The following MSI2 variants were observed in gnomAD, a reference collection of about 807,000 sequenced individuals.
The protein encoded by MSI2 is musashi RNA binding protein 2.
A neutral mutation model predicts 45.6 loss-of-function variants in MSI2; 17 were observed. That is an observed-to-expected ratio of 0.37 (90% CI 0.26 to 0.56). The LOEUF (loss-of-function observed/expected upper bound fraction) is 0.56, where lower values mean the gene tolerates loss of function less well. MSI2 is among the 20% of genes least tolerant of loss of function. The probability of loss-of-function intolerance (pLI) is 0.77; values close to 1 mark genes in which losing one functional copy is unlikely to be tolerated. For missense variants in MSI2, 293 were observed against 444.2 expected, an observed-to-expected ratio of 0.66 and a Z score of 3.06; for synonymous variants, 156 against 158.2, an observed-to-expected ratio of 0.99 and a Z score of 0.11.
intron 6 of MSI2, among the ~76,000 whole-genome samples, chr17:57,486,192 TA>T (rs2085751778): frequency 1.3e-5 from 2 of 152,242 alleles, no homozygotes. Flanking sequence ...ATCACAGGGT[TA>T]TTTTTTCCCC....
At chr17:57,312,745 T>C (rs1317815058) in intron 5 of MSI2, among the ~76,000 whole-genome samples, 1 of 152,210 alleles carries the variant, frequency 6.6e-6, no homozygotes, top group Non-Finnish European at 1.5e-5. Context: ...TGTATGTGTA[T>C]GAATTAATGG....
intron 5 of MSI2, among the ~76,000 whole-genome samples, chr17:57,361,018 G>A (rs1916774300): frequency 6.6e-6 from 1 of 152,184 alleles, no homozygotes; most frequent in East Asian, 1.9e-4. Flanking sequence ...AATATGGGGA[G>A]GTCAGGAGTA....
At chr17:57,512,963 TCTTC>T (rs1472214060) in intron 6 of MSI2, among the ~76,000 whole-genome samples, 13 of 103,534 alleles carry the variant, frequency 1.3e-4, no homozygotes, top group African/African-American at 5.1e-4. Context: ...TGAATTAGCT[TCTTC>T]CTTTTTTTTT....
At chr17:57,574,030 C>G (rs2087948295) in intron 7 of MSI2, among the ~76,000 whole-genome samples, 1 of 152,060 alleles carries the variant, frequency 6.6e-6, no homozygotes, top group South Asian at 2.1e-4. Flanking sequence ...TATGGCTCAT[C>G]CTAGAGGAGA....
intron 5 of MSI2, among the ~76,000 whole-genome samples, chr17:57,321,753 G>T (rs1328986019): frequency 6.6e-6 from 1 of 152,142 alleles, no homozygotes; most frequent in Non-Finnish European, 1.5e-5. Flanking sequence ...AGCCTCCAAA[G>T]AAATCCTTTT....
chr17:57,515,828 T>G (rs2086459252), intron 6 of MSI2, among the ~76,000 whole-genome samples: 1 of 152,208 alleles, frequency 6.6e-6, no homozygotes, highest in African/African-American at 2.4e-5. Context: ...GAGGGCATAG[T>G]TGTTTGTATT....
chr17:57,262,044 G>A, intron 4 of MSI2, 107 bp from the exon 5 acceptor site: 4 of 1,234,002 alleles, frequency 3.2e-6, no homozygotes, highest in Non-Finnish European at 4.7e-6. Context: ...GTTACTAAAA[G>A]CTGGATTATA....
intron 6 of MSI2, among the ~76,000 whole-genome samples, chr17:57,454,440 T>C (rs1199293149): frequency 7.0e-6 from 1 of 142,342 alleles, no homozygotes; most frequent in African/African-American, 2.6e-5. Flanking sequence ...TTCTCTTTCT[T>C]TTTTTTTTTT....
At chr17:57,671,872 A>T (rs9912674) in intron 11 of MSI2, among the ~76,000 whole-genome samples, 3 of 152,100 alleles carry the variant, frequency 2.0e-5, no homozygotes, top group Non-Finnish European at 2.9e-5. Flanking sequence ...ATGGGTTTCC[A>T]GATGGCTCGT....
intron 6 of MSI2, among the ~76,000 whole-genome samples, chr17:57,432,171 C>G (rs2084608635): frequency 6.6e-6 from 1 of 152,140 alleles, no homozygotes; most frequent in Non-Finnish European, 1.5e-5. Flanking sequence ...TAATGTGGCT[C>G]TGGTGGATGA....
At chr17:57,659,039 C>A (rs1311946365) in intron 11 of MSI2, among the ~76,000 whole-genome samples, 2 of 151,242 alleles carry the variant, frequency 1.3e-5, no homozygotes, top group African/African-American at 4.9e-5. Context: ...TTGTGTTTTG[C>A]AGAGGTTTTT....
At chr17:57,507,774 T>C (rs150814287) in intron 6 of MSI2, among the ~76,000 whole-genome samples, 214 of 152,234 alleles carry the variant, frequency 1.4e-3, no homozygotes, top group African/African-American at 5.0e-3. Context: ...CACTCCGGTG[T>C]ATTTGTCTAT....
At chr17:57,523,108 C>T (rs12602119) in intron 6 of MSI2, among the ~76,000 whole-genome samples, 2,350 of 150,604 alleles carry the variant, frequency 0.016, 73 homozygotes, top group East Asian at 0.079. Flanking sequence ...AGTGCAATGG[C>T]GTAATCTCAG....
chr17:57,342,780 G>T (rs1288481110), intron 5 of MSI2, among the ~76,000 whole-genome samples: 1 of 152,084 alleles, frequency 6.6e-6, no homozygotes, highest in Non-Finnish European at 1.5e-5. Flanking sequence ...CATGAACTTC[G>T]AATGATAGAA....
At position 57,672,122 on chromosome 17, in the gene MSI2, G is replaced by A. The variant is rs534303117; in HGVS notation, c.791-2850G>A. Among the ~76,000 whole-genome samples the A allele has an allele frequency of 2.0e-5, 3 of 152,306 alleles. No individual in the cohort carries two copies. The South Asian group carries it at 6.2e-4, about 32-fold the overall frequency. ...AGCCCTGTCTTTCACCCCTGGCTGG[G>A]GGACATCTGCAAGGTGACTTTGAGC... On this transcript the variant is annotated intron_variant, in intron 11 of 13. Transcript: ENST00000284073.
chr17:57,336,507 C>G (rs1327289205), intron 5 of MSI2, among the ~76,000 whole-genome samples: 5 of 152,180 alleles, frequency 3.3e-5, no homozygotes, highest in Admixed American at 2.6e-4. Flanking sequence ...TACCAATGGT[C>G]TTTAAACCAA....
chr17:57,518,468 G>A (rs546371511), intron 6 of MSI2, among the ~76,000 whole-genome samples: 1 of 152,324 alleles, frequency 6.6e-6, no homozygotes, highest in Non-Finnish European at 1.5e-5. Flanking sequence ...GGACAGATGA[G>A]GTGGCTATTT....
chr17:57,688,255 A>G (rs1168648530), downstream of MSI2, among the ~76,000 whole-genome samples: 1 of 152,122 alleles, frequency 6.6e-6, no homozygotes, highest in Non-Finnish European at 1.5e-5. Context: ...AGAAATTTTA[A>G]AAGACTGCAG....
At chr17:57,519,915 G>A (rs1476064524) in intron 6 of MSI2, among the ~76,000 whole-genome samples, 7 of 152,274 alleles carry the variant, frequency 4.6e-5, no homozygotes, top group Non-Finnish European at 7.4e-5. Context: ...ATGATGCCAC[G>A]TGTGTGGGCA....
Sources: gnomAD v4.1 joint callset for allele counts (sites outside exome capture counted in the v4.1 genomes callset) on GRCh38, gnomAD v4.1.1 for gene constraint, MANE v1.5 for transcripts, NCBI Gene and HGNC (gene_info 2026-07-23, HGNC 2026-07-21) for gene names.